NUP155: variants seen among roughly 807,000 people sequenced by gnomAD.
The protein encoded by NUP155 is nuclear pore complex protein Nup155.
NUP155 carries 71 observed loss-of-function variants against 180.4 expected under a neutral mutation model. The observed-to-expected ratio is 0.39, with a 90% CI of 0.33 to 0.48. The LOEUF (loss-of-function observed/expected upper bound fraction) is 0.48, where lower values mean the gene tolerates loss of function less well. Among genes scored for constraint, NUP155 ranks in the 20% least tolerant of loss-of-function variants. The probability of loss-of-function intolerance (pLI) is 0.91; values close to 1 mark genes in which losing one functional copy is unlikely to be tolerated. For synonymous variants in NUP155, 582 were observed against 559.5 expected, an observed-to-expected ratio of 1.04 and a Z score of -0.57; for missense variants, 1,553 against 1,648.9, an observed-to-expected ratio of 0.94 and a Z score of 1.01.
At chr5:37,344,626 C>T (rs974457779) in intron 9 of NUP155, among the ~76,000 whole-genome samples, 19 of 151,694 alleles carry the variant, frequency 1.3e-4, no homozygotes, top group African/African-American at 4.1e-4. Flanking sequence ...CGAAGCCAGG[C>T]GCAGTGGCTC....
At chr5:37,352,635 G>A (rs765118871) in intron 5 of NUP155, 102 bp downstream of exon 5, 40 of 754,904 alleles carry the variant, frequency 5.3e-5, no homozygotes, top group Non-Finnish European at 9.0e-5. Context: ...ATTAATGTGA[G>A]TCAATGGAAT....
Position 37,322,446 on chromosome 5 carries a change from G to C in NUP155, c.2207+1546C>G, listed in dbSNP as rs1026528598. Among the ~76,000 whole-genome samples, 9 of 152,234 alleles carry C rather than the reference G, an allele frequency of 5.9e-5. No homozygotes were observed. The South Asian group carries it at 1.9e-3, about 32-fold the overall frequency. On this transcript the variant is annotated intron_variant, in intron 20 of 34. Transcript: ENST00000231498. ...TTCTTGGCTGGGCGCGGTGGCTCACGCCTGTAATCTCAGCACTTTGGGAGG... is the reference window on the plus strand; with the variant it reads ...TTCTTGGCTGGGCGCGGTGGCTCACCCCTGTAATCTCAGCACTTTGGGAGG...
intron 9 of NUP155, among the ~76,000 whole-genome samples, chr5:37,344,167 C>G (rs1311517277): frequency 6.6e-6 from 1 of 151,654 alleles, no homozygotes; most frequent in African/African-American, 2.4e-5. Flanking sequence ...TGGTGAAACC[C>G]CATCTCTACT....
At chr5:37,366,412 A>G (rs1487791345) in intron 1 of NUP155, among the ~76,000 whole-genome samples, 1 of 152,210 alleles carries the variant, frequency 6.6e-6, no homozygotes, top group African/African-American at 2.4e-5. Context: ...TTTCATTTTT[A>G]TCATTGTTCA....
intron 18 of NUP155, among the ~76,000 whole-genome samples, chr5:37,326,495 G>A (rs144966180): frequency 2.3e-3 from 343 of 152,204 alleles, no homozygotes; most frequent in African/African-American, 8.0e-3. Context: ...TGAATAAGGC[G>A]GAAAAGTGCA....
rs186696432 is a variant in NUP155 at position 37,351,150 on chromosome 5, T to C, written c.723+40A>G. The C allele has an allele frequency of 7.5e-5, 115 of 1,527,780 alleles. 1 individual carries two copies. The East Asian group carries it at 2.5e-3, about 33-fold the overall frequency. The allele number at this position is 1,527,780 out of a possible 1,614,324, so 94.6% of individuals were successfully genotyped here. A position where few individuals can be genotyped will look rare whatever the true frequency, so the allele number is the denominator to read the frequency against. ...TAAAGGCTTATCTTTCCCTACTCCATCAAGAGAGAAAAAAAAACGTTTACA... is the reference window on the plus strand; with the variant it reads ...TAAAGGCTTATCTTTCCCTACTCCACCAAGAGAGAAAAAAAAACGTTTACA... On this transcript the variant is annotated intron_variant, in intron 6 of 34. Transcript: ENST00000231498.
Position 37,305,081 on chromosome 5 carries a change from C to G in NUP155, c.3033G>C (p.Leu1011=). The change falls in exon 26 of 35, where the codon CTG becomes CTC. Residue 1011 remains leucine (L), a synonymous_variant. Transcript: ENST00000231498. ...PPVLSSDPNM[L]SNEEAGHHFE... is the part of the protein sequence containing the mutation. The stretch of plus-strand genomic sequence containing the variant: ...CATGATGTCCTGCTTCTTCATTACT[C>G]AGCATATTTGGATCAGATGACAACA... 6.2e-7 allele frequency: 1 copy of G among 1,613,730 alleles called. No homozygotes were observed. The highest frequency in any genetic ancestry group is 8.5e-7 in the Non-Finnish European group (1 of 1,180,030).
At chr5:37,326,083 C>A (rs1221583830) in intron 18 of NUP155, 116 bp from the exon 19 acceptor site, 2 of 759,354 alleles carry the variant, frequency 2.6e-6, no homozygotes, top group Non-Finnish European at 4.5e-6. Context: ...GCAGTGGTTT[C>A]ATTTAACATT....
chr5:37,321,623 A>G (rs1744249800), intron 20 of NUP155, among the ~76,000 whole-genome samples: 1 of 151,612 alleles, frequency 6.6e-6, no homozygotes, highest in African/African-American at 2.4e-5. Context: ...AGGCTGAGGC[A>G]GAAGAACTGC....
At chr5:37,313,790 A>G (rs1743684317) in intron 22 of NUP155, among the ~76,000 whole-genome samples, 1 of 152,170 alleles carries the variant, frequency 6.6e-6, no homozygotes, top group African/African-American at 2.4e-5. Context: ...GGCGTGAGGC[A>G]TGGTGCCCAG....
At position 37,302,840 on chromosome 5, in the gene NUP155, G is replaced by A; in HGVS notation, c.3386C>T (p.Thr1129Ile). The change falls in exon 29 of 35, where the codon ACT (threonine) becomes ATT (isoleucine). Residue 1129 changes from threonine (T) to isoleucine (I), a missense_variant. Physicochemically the swap from Thr to Ile is moderately conservative, Grantham distance 89. Coordinates refer to ENST00000231498, the MANE Select transcript of NUP155 (RefSeq NM_153485.3). ...ARAILSAKSS[T>I]AISSIAADGE... ...ATCGGCAGCTATTGATGAAATGGCA[G>A]TGGAACTTTTGGCACTAAGAATGGC... 1 of 1,613,968 alleles carries A rather than the reference G, an allele frequency of 6.2e-7. No individual in the cohort carries two copies. Among genetic ancestry groups the A allele is most frequent in the Non-Finnish European group, 8.5e-7 (1 of 1,179,888 alleles).
At chr5:37,350,797 TACAGTGAGACTCCATCACATTTA>T (rs1746402999) in intron 6 of NUP155, among the ~76,000 whole-genome samples, 2 of 129,628 alleles carry the variant, frequency 1.5e-5, no homozygotes, top group African/African-American at 6.1e-5. Flanking sequence ...ACCTGGGTGA[TACAGTGAGACTCCATCACATTTA>T]AAAAAAAAAA....
chr5:37,342,550 T>G lies in NUP155; in HGVS notation c.1092A>C (p.Ala364=). Residue 364 remains alanine (A), a splice_region_variant and synonymous_variant, in exon 10 of 35, where the codon GCA becomes GCC. Transcript: ENST00000231498. ...AGATATGTAAATAAAACAACATACCTGCATGTGTGACAGCCAATAACTGAC... is the reference window on the plus strand; with the variant it reads ...AGATATGTAAATAAAACAACATACCGGCATGTGTGACAGCCAATAACTGAC... ...LDCQLLAVTH[A]GVRLYFSTCP... The G allele has an allele frequency of 6.3e-7, 1 of 1,592,000 alleles. No individual in the cohort carries two copies. Among genetic ancestry groups the G allele is most frequent in the Non-Finnish European group, 8.6e-7 (1 of 1,159,910 alleles).
intron 1 of NUP155, among the ~76,000 whole-genome samples, chr5:37,364,660 A>G (rs1277827027): frequency 6.7e-6 from 1 of 150,076 alleles, no homozygotes; most frequent in Non-Finnish European, 1.5e-5. Context: ...TTTTTGAGAT[A>G]GAGTCTCGCA....
rs1331070853 is a variant in NUP155, at chr5:37,299,545, T to C, written c.3585A>G (p.Pro1195=). The C allele has an allele frequency of 1.2e-6, 2 of 1,614,014 alleles. No homozygotes were observed. The highest frequency in any genetic ancestry group is 2.7e-5 in the African/African-American group (2 of 74,932). Residue 1195 remains proline (P), a synonymous_variant, in exon 31 of 35, where the codon CCA becomes CCG. Coordinates refer to ENST00000231498, the MANE Select transcript of NUP155 (RefSeq NM_153485.3). ...CAAGTTTGCACTCTGCAAGTTTAAA[T>C]GGGTCAGCAAATTCCCCATAAAGCT... ...ITKLYGEFAD[P]FKLAECKLAI...
rs959914978 is a variant in NUP155, at chr5:37,309,072, C to G, written c.2767+57G>C. Reference sequence around the variant, plus strand: ...TCATCATTAGCTTGCTTCATTCATACACTATTGTTTGTCTTTTGAGTTGAG... The same window carrying G: ...TCATCATTAGCTTGCTTCATTCATAGACTATTGTTTGTCTTTTGAGTTGAG... On this transcript the variant is annotated intron_variant, in intron 24 of 34. Coordinates refer to ENST00000231498, the MANE Select transcript of NUP155 (RefSeq NM_153485.3). 1.9e-6 allele frequency: 3 copies of G among 1,570,414 alleles called. No individual in the cohort carries two copies. In the East Asian group the frequency reaches 6.7e-5, roughly 35 times the overall value.
Position 37,301,487 on chromosome 5 carries a change from C to T in NUP155, c.3511G>A (p.Val1171Ile), listed in dbSNP as rs776862270. 1.8e-5 allele frequency: 29 copies of T among 1,613,758 alleles called. No homozygotes were observed. The highest frequency in any genetic ancestry group is 2.5e-5 in the Non-Finnish European group (29 of 1,179,818). ...TCCAGCTGAGAAACTGCATCCTGTA[C>T]AGAAGAATGATGGGAATACTGCCTT... is the stretch of plus-strand genomic sequence containing the variant. ...LQRQYSHHSS[V>I]QDAVSQLDSE... is the part of the protein sequence containing the mutation. Residue 1171 changes from valine (V) to isoleucine (I), a missense_variant, in exon 30 of 35, where the codon GTA becomes ATA. Val to Ile is a conservative substitution (Grantham distance 29, BLOSUM62 3). Coordinates refer to ENST00000231498, the MANE Select transcript of NUP155 (RefSeq NM_153485.3).
At chr5:37,303,436 A>G in intron 27 of NUP155, 22 bp from the exon 28 acceptor site, 1 of 1,610,324 alleles carries the variant, frequency 6.2e-7, no homozygotes, top group East Asian at 2.2e-5. Flanking sequence ...ATAGTTATTC[A>G]GAAAAATTTT....
intron 11 of NUP155, among the ~76,000 whole-genome samples, chr5:37,338,202 CA>C (rs1204038332): frequency 6.6e-6 from 1 of 150,410 alleles, no homozygotes; most frequent in East Asian, 2.0e-4. Flanking sequence ...CCTGTAATCC[CA>C]GCTACTCAGG....
Sources: gnomAD v4.1 joint callset for allele counts (sites outside exome capture counted in the v4.1 genomes callset) on GRCh38, gnomAD v4.1.1 for gene constraint, MANE v1.5 for transcripts, NCBI Gene and HGNC (gene_info 2026-07-23, HGNC 2026-07-21) for gene names.